The following SEC23A variants were observed in gnomAD, a reference collection of about 807,000 sequenced individuals.
The protein encoded by SEC23A is SEC23 homolog A, COPII component, also known as protein transport protein Sec23A.
In SEC23A, 56 loss-of-function variants were observed where a neutral mutation model predicts 103.7. That is an observed-to-expected ratio of 0.54 (90% CI 0.44 to 0.67). The LOEUF (loss-of-function observed/expected upper bound fraction) is 0.67. Ranked by LOEUF, SEC23A falls within the 30% of genes least tolerant of loss-of-function variation. The pLI, the probability that SEC23A is intolerant of heterozygous loss-of-function variation, is 0.00. For synonymous variants in SEC23A, 281 were observed against 293.0 expected (o/e 0.96, Z 0.42); for missense variants, 784 against 936.4 (o/e 0.84, Z 2.12).
chr14:39,091,005 C>G, intron 5 of SEC23A: 2 of 373,760 alleles, frequency 5.4e-6, no homozygotes, highest in Non-Finnish European at 5.0e-6. Context: ...CTGCCCCCAC[C>G]ACCACTGCTG....
At chr14:39,095,757 G>T in intron 2 of SEC23A, 141 bp downstream of exon 2, 1 of 672,630 alleles carries the variant, frequency 1.5e-6, no homozygotes, top group Non-Finnish European at 2.5e-6. Flanking sequence ...AAATTTTACA[G>T]CTCTCTGGAT....
At chr14:39,050,033 G>C (rs527307727) in intron 14 of SEC23A, among the ~76,000 whole-genome samples, 1 of 152,166 alleles carries the variant, frequency 6.6e-6, no homozygotes, top group East Asian at 2.0e-4. Flanking sequence ...CTCCCAAAAT[G>C]CTGGGATTAC....
At chr14:39,068,816 T>A (rs1462322212) in intron 9 of SEC23A, among the ~76,000 whole-genome samples, 1 of 152,212 alleles carries the variant, frequency 6.6e-6, no homozygotes, top group Non-Finnish European at 1.5e-5. Flanking sequence ...ACTGATGTGT[T>A]ATAACTAATT....
intron 3 of SEC23A, 84 bp from the exon 4 acceptor site, chr14:39,092,711 C>G: frequency 1.3e-6 from 1 of 760,668 alleles, no homozygotes; most frequent in South Asian, 1.7e-5. Context: ...ATTTCCTGAT[C>G]ATTTAATTAT....
At chr14:39,088,586 AG>A (rs1887538695) in intron 5 of SEC23A, 1 of 152,148 alleles carries the variant, frequency 6.6e-6, no homozygotes, top group Admixed American at 6.5e-5. Context: ...TACAAAAATT[AG>A]TAAGGCATGG....
intron 7 of SEC23A, 36 bp downstream of exon 7, chr14:39,085,726 A>ACACACG (rs1594477084): frequency 6.3e-7 from 1 of 1,594,586 alleles, no homozygotes; most frequent in East Asian, 2.2e-5. Flanking sequence ...ACACACACAC[A>ACACACG]CACTTTACAT....
intron 14 of SEC23A, among the ~76,000 whole-genome samples, chr14:39,053,953 T>C (rs954237854): frequency 1.3e-5 from 2 of 151,940 alleles, no homozygotes; most frequent in Non-Finnish European, 2.9e-5. Flanking sequence ...AGCAAAATAG[T>C]GAGACCCAGT....
intron 5 of SEC23A, chr14:39,087,580 G>A (rs918378470): frequency 2.0e-5 from 3 of 152,620 alleles, no homozygotes; most frequent in Admixed American, 2.0e-4. Context: ...ACTACGAACT[G>A]CCACCTTTGT....
chr14:39,102,945 G>A (rs1441703642), intron 1 of SEC23A, 87 bp downstream of exon 1: 1 of 152,634 alleles, frequency 6.6e-6, no homozygotes, highest in Non-Finnish European at 1.5e-5. Flanking sequence ...CTGGCCCCGG[G>A]GCACCGAGAG....
In SEC23A at chr14:39,085,687, TATACACACACACAC is replaced by T. The variant is rs1006462205; in HGVS notation, c.828+61_828+74del. On this transcript the variant is annotated intron_variant, in intron 7 of 19. Transcript: ENST00000307712. ...GGTTCTTCTTATCCTTATAATTATA[TATACACACACACAC>T]ACACACACACACACACACACACACA... 2.6e-5 allele frequency: 31 copies of T among 1,179,342 alleles called. No homozygotes were observed. In the African/African-American group the frequency reaches 3.7e-4, roughly 14 times the overall value. The allele number at this position is 1,179,342 out of a possible 1,614,324, so 73.1% of individuals were successfully genotyped here.
chr14:39,064,816 G>T, intron 11 of SEC23A, 97 bp downstream of exon 11: 1 of 883,084 alleles, frequency 1.1e-6, no homozygotes, highest in Non-Finnish European at 1.9e-6. Context: ...CTGGGCTTAA[G>T]CAATCCTCCT....
At position 39,045,595 on chromosome 14, in the gene SEC23A, A is replaced by G. The variant is rs559503794; in HGVS notation, c.1738-271T>C. On this transcript the variant is annotated intron_variant, in intron 15 of 19. Coordinates refer to ENST00000307712, the MANE Select transcript of SEC23A (RefSeq NM_006364.4). ...AAAGGATGGCTGGGCATGGTGGCTCACACCTGTAATCCCAACACTCTGGGA... is the reference window on the plus strand; with the variant it reads ...AAAGGATGGCTGGGCATGGTGGCTCGCACCTGTAATCCCAACACTCTGGGA... 2.4e-4 allele frequency among the ~76,000 whole-genome samples: 37 copies of G among 152,306 alleles called. No individual in the cohort carries two copies. The South Asian group carries it at 7.3e-3, about 30-fold the overall frequency.
intron 18 of SEC23A, 94 bp from the exon 19 acceptor site, chr14:39,039,190 G>A: frequency 1.0e-6 from 1 of 982,642 alleles, no homozygotes; most frequent in Non-Finnish European, 1.6e-6. Context: ...ATTTTATTTA[G>A]TATGTGTTGG....
intron 5 of SEC23A, among the ~76,000 whole-genome samples, chr14:39,089,892 G>T (rs1444990608): frequency 6.6e-6 from 1 of 152,210 alleles, no homozygotes; most frequent in Non-Finnish European, 1.5e-5. Context: ...GGAGGCGGAG[G>T]TTGCAGTGAG....
At chr14:39,089,165 CAAAAAAAAAA>C (rs58732430) in intron 5 of SEC23A, among the ~76,000 whole-genome samples, 2 of 69,358 alleles carry the variant, frequency 2.9e-5, no homozygotes, top group South Asian at 4.6e-4. Context: ...GACTCCGTGT[CAAAAAAAAAA>C]AAAAAAAGAA....
At chr14:39,044,036 G>T (rs905130645) in intron 16 of SEC23A, among the ~76,000 whole-genome samples, 2 of 152,152 alleles carry the variant, frequency 1.3e-5, no homozygotes, top group Non-Finnish European at 2.9e-5. Flanking sequence ...TTGGCCGTTT[G>T]TTATAAACCT....
rs991108299 is a variant in SEC23A, at chr14:39,094,816, G to T, written c.221+1082C>A. The T allele has an allele frequency of 5.2e-6, 3 of 579,190 alleles. No individual in the cohort carries two copies. In the Admixed American group the frequency reaches 1.0e-4, roughly 20 times the overall value. 35.9% of individuals were successfully genotyped at this position (579,190 alleles called of 1,614,324 possible). A position where few individuals can be genotyped will look rare whatever the true frequency, so the allele number is the denominator to read the frequency against. On this transcript the variant is annotated intron_variant, in intron 2 of 19. Transcript: ENST00000307712. ...TCAGAAAGAGGGTAACAGGGTTAAG[G>T]TATTATGTAGATGAGAATAAGGAAA...
intron 11 of SEC23A, 80 bp from the exon 12 acceptor site, chr14:39,063,493 A>T: frequency 1.1e-6 from 1 of 891,650 alleles, no homozygotes; most frequent in Non-Finnish European, 1.8e-6. Context: ...ATGGAAAAAG[A>T]CCACAGGAAA....
intron 18 of SEC23A, chr14:39,039,770 A>G (rs1885575371): frequency 6.6e-6 from 1 of 152,256 alleles, no homozygotes; most frequent in Admixed American, 6.5e-5. Context: ...GCCCTGGAGT[A>G]CCAGGACTCA....
Sources: gnomAD v4.1 joint callset for allele counts (sites outside exome capture counted in the v4.1 genomes callset) on GRCh38, gnomAD v4.1.1 for gene constraint, MANE v1.5 for transcripts, NCBI Gene and HGNC (gene_info 2026-07-23, HGNC 2026-07-21) for gene names.